Variants in RAB6A observed in about 807,000 individuals in gnomAD.
The protein encoded by RAB6A is RAB6A, member RAS oncogene family, also known as ras-related protein Rab-6A.
RAB6A carries 8 observed loss-of-function variants against 32.3 expected under a neutral mutation model. The ratio of observed to expected loss-of-function variants is 0.25; its 90% CI spans 0.15 to 0.45. The LOEUF is 0.45. Ranked by LOEUF, RAB6A falls within the 20% of genes least tolerant of loss-of-function variation. The probability of loss-of-function intolerance (pLI) is 1.00; values close to 1 mark genes in which losing one functional copy is unlikely to be tolerated. For synonymous variants in RAB6A, 73 were observed against 82.1 expected (o/e 0.89, Z 0.60); for missense variants, 104 against 249.4 (o/e 0.42, Z 3.93).
intron 6 of RAB6A, among the ~76,000 whole-genome samples, chr11:73,680,297 G>A (rs1184647962): frequency 2.0e-5 from 3 of 152,042 alleles, no homozygotes; most frequent in South Asian, 2.1e-4. Flanking sequence ...TTACAGAAAC[G>A]CAGAAAAAGG....
At chr11:73,724,479 A>G (rs1161523613) in intron 2 of RAB6A, among the ~76,000 whole-genome samples, 1 of 138,540 alleles carries the variant, frequency 7.2e-6, no homozygotes, top group Non-Finnish European at 1.6e-5. Context: ...TCCTAAATGC[A>G]TTTCGTTTTT....
At chr11:73,685,713 T>C (rs1945441193) in intron 6 of RAB6A, among the ~76,000 whole-genome samples, 1 of 147,640 alleles carries the variant, frequency 6.8e-6, no homozygotes, top group South Asian at 2.1e-4. Context: ...ACCCCATCTC[T>C]ATTAAAAATA....
intron 1 of RAB6A, among the ~76,000 whole-genome samples, chr11:73,749,082 G>A (rs975524941): frequency 6.6e-6 from 1 of 151,694 alleles, no homozygotes; most frequent in African/African-American, 2.4e-5. Flanking sequence ...CCGAGATCAC[G>A]ACACTGCACT....
At chr11:73,719,773 G>A (rs1349951871) in intron 3 of RAB6A, among the ~76,000 whole-genome samples, 2 of 151,552 alleles carry the variant, frequency 1.3e-5, no homozygotes, top group Admixed American at 6.6e-5. Flanking sequence ...CCGCCACCAC[G>A]CCCAGCTAAT....
chr11:73,716,635 A>T (rs750555286), intron 4 of RAB6A, among the ~76,000 whole-genome samples: 8 of 132,666 alleles, frequency 6.0e-5, no homozygotes, highest in African/African-American at 1.9e-4. Context: ...TATTTAATTG[A>T]AAAAAAAACA....
chr11:73,745,703 G>A (rs1470216391), intron 1 of RAB6A, among the ~76,000 whole-genome samples: 1 of 152,076 alleles, frequency 6.6e-6, no homozygotes, highest in African/African-American at 2.4e-5. Context: ...ATGGTGGCGT[G>A]TGCCTGTAAT....
intron 6 of RAB6A, chr11:73,704,334 G>T: frequency 4.3e-6 from 1 of 231,456 alleles, no homozygotes; most frequent in Non-Finnish European, 9.2e-6. Flanking sequence ...AATGAGCTGT[G>T]ATCATGCCAC....
At chr11:73,747,072 A>G (rs572591465) in intron 1 of RAB6A, among the ~76,000 whole-genome samples, 76 of 151,686 alleles carry the variant, frequency 5.0e-4, no homozygotes, top group Non-Finnish European at 8.0e-4. Context: ...GATTACAGAC[A>G]TGAGCCACCC....
intron 1 of RAB6A, among the ~76,000 whole-genome samples, chr11:73,731,137 T>C (rs1277858903): frequency 6.6e-6 from 1 of 152,180 alleles, no homozygotes; most frequent in African/African-American, 2.4e-5. Context: ...AAAGAATTAA[T>C]GGAGGCTTAG....
intron 1 of RAB6A, among the ~76,000 whole-genome samples, chr11:73,739,284 A>AAAAAT (rs1208877325): frequency 1.5e-4 from 1 of 6,762 alleles, no homozygotes; most frequent in African/African-American, 3.2e-4. Context: ...AAAAAAAAAA[A>AAAAAT]ATATATATAT....
intron 2 of RAB6A, among the ~76,000 whole-genome samples, chr11:73,728,529 T>A (rs1946256460): frequency 6.6e-6 from 1 of 150,792 alleles, no homozygotes; most frequent in Non-Finnish European, 1.5e-5. Flanking sequence ...TCCCAGCACT[T>A]TGGAAAGCCG....
At chr11:73,748,202 T>C (rs1048029908) in intron 1 of RAB6A, among the ~76,000 whole-genome samples, 12 of 152,338 alleles carry the variant, frequency 7.9e-5, no homozygotes, top group African/African-American at 2.9e-4. Context: ...AGCTGTCACT[T>C]CTTTAGATTA....
chr11:73,726,320 C>T (rs1388874236), intron 2 of RAB6A, among the ~76,000 whole-genome samples: 4 of 149,366 alleles, frequency 2.7e-5, no homozygotes, highest in African/African-American at 7.4e-5. Context: ...CAGTGGCTCA[C>T]GCCTGTAATC....
At chr11:73,685,790 CAGG>C (rs1221498132) in intron 6 of RAB6A, among the ~76,000 whole-genome samples, 2 of 143,982 alleles carry the variant, frequency 1.4e-5, no homozygotes, top group African/African-American at 5.2e-5. Context: ...GAGGGTGAGG[CAGG>C]AGAATCGCTT....
intron 1 of RAB6A, among the ~76,000 whole-genome samples, chr11:73,750,348 C>T (rs865784482): frequency 5.0e-4 from 72 of 144,382 alleles, no homozygotes; most frequent in Middle Eastern, 3.6e-3. Flanking sequence ...ATTTCCTTCC[C>T]TTTTTTTTTT....
At chr11:73,708,900 T>A (rs1477313540) in intron 5 of RAB6A, among the ~76,000 whole-genome samples, 1 of 152,220 alleles carries the variant, frequency 6.6e-6, no homozygotes, top group African/African-American at 2.4e-5. Flanking sequence ...CCTTCTTGCC[T>A]ACAAGAAATT....
At chr11:73,696,983 C>T (rs1465012075) in intron 6 of RAB6A, among the ~76,000 whole-genome samples, 2 of 152,138 alleles carry the variant, frequency 1.3e-5, no homozygotes, top group Non-Finnish European at 1.5e-5. Flanking sequence ...GAATAAAATG[C>T]CAAATCCTCA....
At chr11:73,756,492 G>C (rs1946752229) in intron 1 of RAB6A, among the ~76,000 whole-genome samples, 1 of 152,184 alleles carries the variant, frequency 6.6e-6, no homozygotes, top group African/African-American at 2.4e-5. Flanking sequence ...AGTAGGCTGA[G>C]TATGCGCTTC....
At chr11:73,733,550 CAAAA>C (rs773779816) in intron 1 of RAB6A, among the ~76,000 whole-genome samples, 5,723 of 118,480 alleles carry the variant, frequency 0.048, 156 homozygotes, top group Middle Eastern at 0.11. Context: ...GACACCATCT[CAAAA>C]AAAAAAAAAT....
Sources: allele counts gnomAD v4.1 joint callset (sites outside exome capture counted in the v4.1 genomes callset), GRCh38; gene constraint gnomAD v4.1.1; transcripts MANE v1.5; gene names NCBI Gene and HGNC (gene_info 2026-07-23, HGNC 2026-07-21).